Variants in CSMD1 observed in about 807,000 individuals in gnomAD.
The protein encoded by CSMD1 is CUB and Sushi multiple domains 1, also known as CUB and sushi domain-containing protein 1.
In CSMD1, 213 loss-of-function variants were observed where a neutral mutation model predicts 417.5. The ratio of observed to expected loss-of-function variants is 0.51; its 90% confidence interval spans 0.46 to 0.57. CSMD1 has a LOEUF of 0.57. Among genes scored for constraint, CSMD1 ranks in the 20% least tolerant of loss-of-function variants. The pLI is 0.00. For missense variants in CSMD1, 6,923 were observed against 4,529.7 expected, an observed-to-expected ratio of 1.53 and a Z score of -15.17; for synonymous variants, 2,862 against 1,736.8, an observed-to-expected ratio of 1.65 and a Z score of -16.11.
intron 7 of CSMD1, among the ~76,000 whole-genome samples, chr8:3,631,406 C>G (rs1563215640): frequency 6.6e-6 from 1 of 152,156 alleles, no homozygotes; most frequent in Non-Finnish European, 1.5e-5. Flanking sequence ...GCAAAGAAGC[C>G]AGCCCGTGGC....
At chr8:4,450,445 G>C (rs1799073598) in intron 2 of CSMD1, among the ~76,000 whole-genome samples, 1 of 152,098 alleles carries the variant, frequency 6.6e-6, no homozygotes, top group Non-Finnish European at 1.5e-5. Context: ...GGCCAACAGG[G>C]TGAAACCTCA....
intron 3 of CSMD1, among the ~76,000 whole-genome samples, chr8:4,284,233 T>G (rs1027863473): frequency 6.6e-6 from 1 of 152,110 alleles, no homozygotes; most frequent in African/African-American, 2.4e-5. Flanking sequence ...CTGGGCGTGG[T>G]GGCACGTGCC....
intron 51 of CSMD1, among the ~76,000 whole-genome samples, chr8:3,028,152 C>G (rs552627067): frequency 1.3e-5 from 2 of 152,326 alleles, no homozygotes; most frequent in African/African-American, 4.8e-5. Context: ...TAATAAGTGT[C>G]TGTTTTTAAG....
At chr8:3,236,399 T>C (rs1420591803) in intron 26 of CSMD1, among the ~76,000 whole-genome samples, 1 of 152,178 alleles carries the variant, frequency 6.6e-6, no homozygotes, top group East Asian at 1.9e-4. Context: ...TTCCTAGAGT[T>C]AGCCAGATTG....
chr8:4,118,481 A>G (rs538791612), intron 3 of CSMD1, among the ~76,000 whole-genome samples: 5 of 3,174 alleles, frequency 1.6e-3, no homozygotes, highest in African/African-American at 1.7e-3. Context: ...GCCAGCAAAC[A>G]TATAGAAAAA....
intron 3 of CSMD1, among the ~76,000 whole-genome samples, chr8:4,384,205 C>A (rs994152786): frequency 1.3e-5 from 2 of 152,134 alleles, no homozygotes; most frequent in African/African-American, 4.8e-5. Flanking sequence ...AGAATCACCA[C>A]ACTCCTATGA....
intron 40 of CSMD1, among the ~76,000 whole-genome samples, chr8:3,145,475 G>A (rs1818786803): frequency 2.6e-5 from 4 of 152,152 alleles, no homozygotes; most frequent in African/African-American, 9.7e-5. Flanking sequence ...AAAAGTACAG[G>A]ATCTAGTGAA....
rs145251352 is a variant in CSMD1 at position 2,990,092 on chromosome 8, T to C, written c.8377+7919A>G. 2.1e-4 allele frequency among the ~76,000 whole-genome samples: 32 copies of C among 152,320 alleles called. No homozygotes were observed. The East Asian group carries it at 6.0e-3, about 28-fold the overall frequency. Reference sequence around the variant, plus strand: ...TGTGTGGAGGTAACTGGGACAACATTTGTGGACATTCATTCTCAATGGTTC... The same window carrying C: ...TGTGTGGAGGTAACTGGGACAACATCTGTGGACATTCATTCTCAATGGTTC... On this transcript the variant is annotated intron_variant, in intron 54 of 69. Coordinates refer to ENST00000635120, the MANE Select transcript of CSMD1 (RefSeq NM_033225.6).
At position 4,639,629 on chromosome 8, in the gene CSMD1, A is replaced by G. The variant is rs563448611; in HGVS notation, c.86-2071T>C. Among the ~76,000 whole-genome samples the G allele has an allele frequency of 2.6e-5, 4 of 152,298 alleles. No individual in the cohort carries two copies. In the South Asian group the frequency reaches 8.3e-4, roughly 32 times the overall value. ...TTTGAAGGGACCTGGGTGTACTCAG[A>G]TTGTGGCATGTAGTGTAAGTACTTG... On this transcript the variant is annotated intron_variant, in intron 1 of 69. Coordinates refer to ENST00000635120, the MANE Select transcript of CSMD1 (RefSeq NM_033225.6).
intron 6 of CSMD1, among the ~76,000 whole-genome samples, chr8:3,752,900 T>C (rs1797432550): frequency 2.0e-5 from 3 of 152,126 alleles, no homozygotes; most frequent in South Asian, 2.1e-4. Flanking sequence ...GAAAGCATTA[T>C]GGATTTTAAA....
At chr8:4,405,040 G>C (rs182910461) in intron 3 of CSMD1, among the ~76,000 whole-genome samples, 1 of 152,342 alleles carries the variant, frequency 6.6e-6, no homozygotes, top group East Asian at 1.9e-4. Context: ...CTAGCATGTC[G>C]TGACTATGCT....
intron 2 of CSMD1, among the ~76,000 whole-genome samples, chr8:4,626,808 T>G (rs768907070): frequency 2.0e-5 from 3 of 152,164 alleles, no homozygotes; most frequent in Non-Finnish European, 2.9e-5. Flanking sequence ...AGTTCTGAAT[T>G]CTGTTCTAGT....
intron 1 of CSMD1, among the ~76,000 whole-genome samples, chr8:4,891,926 C>G (rs1277658232): frequency 6.6e-6 from 1 of 151,850 alleles, no homozygotes; most frequent in Non-Finnish European, 1.5e-5. Context: ...GGTAGGTTAT[C>G]AACAATAAAA....
At chr8:4,907,488 A>C (rs6983509) in intron 1 of CSMD1, among the ~76,000 whole-genome samples, 41,026 of 151,976 alleles carry the variant, frequency 0.27, 6,095 homozygotes, top group East Asian at 0.52. Context: ...AAAATCCTAA[A>C]CTCATAACAT....
At chr8:4,002,727 A>G (rs1008548842) in intron 4 of CSMD1, among the ~76,000 whole-genome samples, 1 of 152,218 alleles carries the variant, frequency 6.6e-6, no homozygotes, top group Admixed American at 6.5e-5. Context: ...GATTAAATGT[A>G]CATCATAAAT....
intron 3 of CSMD1, among the ~76,000 whole-genome samples, chr8:4,082,375 T>C (rs929210420): frequency 2.6e-5 from 4 of 152,188 alleles, no homozygotes; most frequent in African/African-American, 7.2e-5. Flanking sequence ...CACTGGTGAG[T>C]TCTGCCGAGC....
intron 17 of CSMD1, among the ~76,000 whole-genome samples, chr8:3,389,291 C>T (rs1460258849): frequency 6.6e-6 from 1 of 152,084 alleles, no homozygotes; most frequent in Admixed American, 6.6e-5. Flanking sequence ...CTGATAGGCC[C>T]CAGTGTGTGT....
chr8:4,137,909 G>T (rs916968780), intron 3 of CSMD1, among the ~76,000 whole-genome samples: 2 of 151,282 alleles, frequency 1.3e-5, no homozygotes, highest in East Asian at 3.9e-4. Context: ...ATGAAGTCTC[G>T]CTCTGTCGCC....
chr8:3,486,142 T>C (rs1294804797), intron 11 of CSMD1, among the ~76,000 whole-genome samples: 1 of 152,230 alleles, frequency 6.6e-6, no homozygotes, highest in African/African-American at 2.4e-5. Flanking sequence ...CTTTCTGTTA[T>C]ATTTCATTTT....
Sources: allele counts gnomAD v4.1 joint callset (sites outside exome capture counted in the v4.1 genomes callset), GRCh38; gene constraint gnomAD v4.1.1; transcripts MANE v1.5; gene names NCBI Gene and HGNC (gene_info 2026-07-23, HGNC 2026-07-21).